GALNT12: variants seen among roughly 807,000 people sequenced by gnomAD.
GALNT12 encodes the protein polypeptide N-acetylgalactosaminyltransferase 12, also known as UDP-GalNAc:polypeptide N-acetylgalactosaminyltransferase 12.
In GALNT12, 45 loss-of-function variants were observed where a neutral mutation model predicts 55.5. That is an observed-to-expected ratio of 0.81 (90% CI 0.64 to 1.04). The LOEUF (loss-of-function observed/expected upper bound fraction) is 1.04. GALNT12 is among the 50% of genes least tolerant of loss of function. The pLI is 0.00. For synonymous variants in GALNT12, 304 were observed against 312.2 expected (o/e 0.97, Z 0.28); for missense variants, 709 against 754.8 (o/e 0.94, Z 0.71).
At position 98,807,942 on chromosome 9, in the gene GALNT12, G is replaced by GTGCGGCTGCAGCTGCAGGGCGAGGAGC. The variant is rs1588436292; in HGVS notation, c.256_282dup (p.Leu86_Gln94dup). The GTGCGGCTGCAGCTGCAGGGCGAGGAGC allele has an allele frequency of 2.2e-6, 3 of 1,380,498 alleles. No individual in the cohort carries two copies. Among genetic ancestry groups the GTGCGGCTGCAGCTGCAGGGCGAGGAGC allele is most frequent in the South Asian group, 3.2e-5 (2 of 62,066 alleles). The allele number at this position is 1,380,498 out of a possible 1,614,324, so 85.5% of individuals were successfully genotyped here. A position where few individuals can be genotyped will look rare whatever the true frequency, so the allele number is the denominator to read the frequency against. On this transcript the variant is annotated inframe_insertion, in exon 1 of 10. Transcript: ENST00000375011. ...CGCGCTGGGCGCGCGGGGCGAGGCGGTGCGGCTGCAGCTGCAGGGCGAGGA... is the reference window on the plus strand; with the variant it reads ...CGCGCTGGGCGCGCGGGGCGAGGCGGTGCGGCTGCAGCTGCAGGGCGAGGAGCTGCGGCTGCAGCTGCAGGGCGAGGA...
intron 7 of GALNT12, among the ~76,000 whole-genome samples, chr9:98,842,930 C>T (rs1836328609): frequency 6.6e-6 from 1 of 152,030 alleles, no homozygotes; most frequent in African/African-American, 2.4e-5. Flanking sequence ...TCATACTAAG[C>T]CTTGAAATCT....
chr9:98,825,610 A>G (rs1318290057), intron 2 of GALNT12, among the ~76,000 whole-genome samples: 1 of 152,204 alleles, frequency 6.6e-6, no homozygotes, highest in Non-Finnish European at 1.5e-5. Context: ...TACAGTAGCT[A>G]ATTAGCTTTG....
chr9:98,833,526 G>C lies in GALNT12; in HGVS notation c.917+1569G>C, dbSNP rs143355331. ...TGCGTGCCATGTGGTGAGGGCCCTG[G>C]GGGGACCGTTGTAGGCAGGGATACC... On this transcript the variant is annotated intron_variant, in intron 4 of 9. Transcript: ENST00000375011. 7.4e-3 allele frequency among the ~76,000 whole-genome samples: 1,124 copies of C among 152,252 alleles called. 11 individuals are homozygous for C. Among genetic ancestry groups the C allele is most frequent in the African/African-American group, 0.026 (1,072 of 41,550 alleles).
At position 98,849,172 on chromosome 9, in the gene GALNT12, C is replaced by T; in HGVS notation, c.*80C>T. 3 of 1,453,628 alleles carry T rather than the reference C, an allele frequency of 2.1e-6. No homozygotes were observed. Among genetic ancestry groups the T allele is most frequent in the Non-Finnish European group, 2.9e-6 (3 of 1,038,126 alleles). The allele number at this position is 1,453,628 out of a possible 1,614,324, so 90.0% of individuals were successfully genotyped here. On this transcript the variant is annotated 3_prime_UTR_variant, in exon 10 of 10. Coordinates refer to ENST00000375011, the MANE Select transcript of GALNT12 (RefSeq NM_024642.5). ...CAACAAAGACTTAGCTAAGCAGTGA[C>T]CAGAACCCACCAAAAACTAGGCTGC...
At chr9:98,840,234 G>A (rs528603655) in intron 7 of GALNT12, 101 bp downstream of exon 7, 39 of 1,457,992 alleles carry the variant, frequency 2.7e-5, no homozygotes, top group Admixed American at 8.4e-5. Context: ...GGGGAGCACT[G>A]GCTTCCTCCA....
intron 1 of GALNT12, among the ~76,000 whole-genome samples, chr9:98,817,727 G>A (rs778379667): frequency 3.3e-5 from 5 of 152,120 alleles, no homozygotes; most frequent in Admixed American, 6.6e-5. Flanking sequence ...CTCCCAAAGT[G>A]CTGAGATTAC....
chr9:98,808,734 C>T (rs1835431505), intron 1 of GALNT12, among the ~76,000 whole-genome samples: 1 of 152,208 alleles, frequency 6.6e-6, no homozygotes, highest in African/African-American at 2.4e-5. Flanking sequence ...GGCCTAGTTC[C>T]TGTTGGAGCT....
At chr9:98,844,252 T>TA (rs1375631820) in intron 8 of GALNT12, 43 bp downstream of exon 8, 1 of 1,284,638 alleles carries the variant, frequency 7.8e-7, no homozygotes, top group Non-Finnish European at 1.1e-6. Flanking sequence ...TGTGTTTTGT[T>TA]AAAAAAATTA....
At position 98,846,159 on chromosome 9, in the gene GALNT12, C is replaced by T. The variant is rs1298068790; in HGVS notation, c.1605+36C>T. 3 of 1,612,364 alleles carry T rather than the reference C, an allele frequency of 1.9e-6. No individual in the cohort carries two copies. In the South Asian group the frequency reaches 3.3e-5, roughly 18 times the overall value. Reference sequence around the variant, plus strand: ...TCTCTCCTTCCTTCCTGCTGACAGTCCCTGGGCTATAAGGGAGAGTGTGAG... The same window carrying T: ...TCTCTCCTTCCTTCCTGCTGACAGTTCCTGGGCTATAAGGGAGAGTGTGAG... On this transcript the variant is annotated intron_variant, in intron 9 of 9. Coordinates refer to ENST00000375011, the MANE Select transcript of GALNT12 (RefSeq NM_024642.5).
intron 1 of GALNT12, among the ~76,000 whole-genome samples, chr9:98,820,428 A>G (rs940063583): frequency 6.6e-6 from 1 of 152,120 alleles, no homozygotes; most frequent in Non-Finnish European, 1.5e-5. Flanking sequence ...ACATAATCTC[A>G]TTCCTTTTTA....
At chr9:98,821,624 C>CATAAAAAAAAAAAAAAA (rs1835741590) in intron 1 of GALNT12, among the ~76,000 whole-genome samples, 1 of 112,030 alleles carries the variant, frequency 8.9e-6, no homozygotes, top group Admixed American at 1.0e-4. Context: ...GACTCCATCT[C>CATAAAAAAAAAAAAAAA]AAAAAAAAAA....
At chr9:98,832,519 A>AT (rs1229087675) in intron 4 of GALNT12, among the ~76,000 whole-genome samples, 3 of 152,210 alleles carry the variant, frequency 2.0e-5, no homozygotes, top group African/African-American at 7.2e-5. Flanking sequence ...CCCTGTCTCT[A>AT]TAAAAAAATA....
At chr9:98,848,683 G>T (rs113842633) in intron 9 of GALNT12, 24 of 502,936 alleles carry the variant, frequency 4.8e-5, no homozygotes, top group African/African-American at 4.2e-4. Context: ...GAAGCCAAAT[G>T]CAATAGGGAG....
chr9:98,844,344 C>A lies in GALNT12; in HGVS notation c.1458+135C>A, dbSNP rs1836365097. 1.3e-5 allele frequency: 9 copies of A among 676,404 alleles called. No individual in the cohort carries two copies. The South Asian group carries it at 1.5e-4, about 11-fold the overall frequency. 41.9% of individuals were successfully genotyped at this position (676,404 alleles called of 1,614,324 possible). On this transcript the variant is annotated intron_variant, in intron 8 of 9. Transcript: ENST00000375011. The stretch of plus-strand genomic sequence containing the variant: ...CCTAGGGTGGCCAGACTCAGAGAGA[C>A]CACTGTTAAAATTAAAATGTGTTTT...
At chr9:98,816,474 T>C (rs1835613097) in intron 1 of GALNT12, among the ~76,000 whole-genome samples, 1 of 152,126 alleles carries the variant, frequency 6.6e-6, no homozygotes, top group South Asian at 2.1e-4. Flanking sequence ...ACTAAAGGAT[T>C]GTTCTCTACA....
At chr9:98,838,976 G>T (rs1326763173) in intron 6 of GALNT12, among the ~76,000 whole-genome samples, 2 of 152,152 alleles carry the variant, frequency 1.3e-5, no homozygotes, top group East Asian at 3.9e-4. Flanking sequence ...GAGCCCATGG[G>T]TTCTCAGCTG....
intron 6 of GALNT12, among the ~76,000 whole-genome samples, chr9:98,837,459 A>G (rs913845814): frequency 6.6e-6 from 1 of 152,198 alleles, no homozygotes; most frequent in African/African-American, 2.4e-5. Flanking sequence ...GCAGATCAAT[A>G]CAGAACCTTG....
At chr9:98,821,765 C>T (rs1835748461) in intron 1 of GALNT12, among the ~76,000 whole-genome samples, 1 of 152,128 alleles carries the variant, frequency 6.6e-6, no homozygotes, top group African/African-American at 2.4e-5. Flanking sequence ...CCTCTAAGTG[C>T]CCCTCCCAGA....
rs914207155 is a variant in GALNT12, at chr9:98,849,303, A to C, written c.*211A>C. ...ATTTTGAGAACTTTTTAAATGTTCC[A>C]AAATACCCTATTTTCAAAGGGTAAT... On this transcript the variant is annotated 3_prime_UTR_variant, in exon 10 of 10. Transcript: ENST00000375011. 1 of 609,664 alleles carries C rather than the reference A, an allele frequency of 1.6e-6. No individual in the cohort carries two copies. The highest frequency in any genetic ancestry group is 2.9e-6 in the Non-Finnish European group (1 of 344,374). The allele number at this position is 609,664 out of a possible 1,614,324, so 37.8% of individuals were successfully genotyped here. A position where few individuals can be genotyped will look rare whatever the true frequency, so the allele number is the denominator to read the frequency against.
Sources: gnomAD v4.1 joint callset for allele counts (sites outside exome capture counted in the v4.1 genomes callset) on GRCh38, gnomAD v4.1.1 for gene constraint, MANE v1.5 for transcripts, NCBI Gene and HGNC (gene_info 2026-07-23, HGNC 2026-07-21) for gene names.